The following HOXB3 variants were observed in gnomAD, a reference collection of about 807,000 sequenced individuals.
HOXB3 encodes the protein homeobox protein Hox-B3.
A neutral mutation model predicts 29.2 loss-of-function variants in HOXB3; 17 were observed. The observed-to-expected ratio is 0.58, with a 90% CI of 0.40 to 0.87. The LOEUF (loss-of-function observed/expected upper bound fraction) is 0.87, where lower values mean the gene tolerates loss of function less well. Among genes scored for constraint, HOXB3 ranks in the 40% least tolerant of loss-of-function variants. The pLI is 0.00. For synonymous variants in HOXB3, 317 were observed against 285.9 expected (o/e 1.11, Z -1.10); for missense variants, 637 against 616.3 (o/e 1.03, Z -0.35).
At chr17:48,570,361 G>T (rs973683744) in intron 2 of HOXB3, among the ~76,000 whole-genome samples, 7 of 152,126 alleles carry the variant, frequency 4.6e-5, no homozygotes, top group Non-Finnish European at 7.3e-5. Context: ...CAGAGTTCTC[G>T]GCCGGGGCAT....
chr17:48,578,041 A>T (rs2069826252), intron 1 of HOXB3: 5 of 1,013,056 alleles, frequency 4.9e-6, no homozygotes, highest in Non-Finnish European at 5.9e-6. Context: ...GCGGCGCAGG[A>T]GCCCGAGGGG....
rs569496789 is a variant in HOXB3, at chr17:48,554,424, T to G, written c.-159+1107A>C. 1.6e-5 allele frequency: 9 copies of G among 570,150 alleles called. No individual in the cohort carries two copies. In the East Asian group the frequency reaches 2.3e-4, roughly 15 times the overall value. 35.3% of individuals were successfully genotyped at this position (570,150 alleles called of 1,614,324 possible). A position where few individuals can be genotyped will look rare whatever the true frequency, so the allele number is the denominator to read the frequency against. On this transcript the variant is annotated intron_variant, in intron 3 of 4. Coordinates refer to ENST00000498678, the MANE Select transcript of HOXB3 (RefSeq NM_001384749.1). This position sits in a 1 kb window ranked among gnomAD's most constrained non-coding sequence, Gnocchi z 4.1. Reference sequence around the variant, plus strand: ...GAAATTCCTGCCGCTCCCCTTGCAATAAACCCCAAACCATCGCGGGACGGA... The same window carrying G: ...GAAATTCCTGCCGCTCCCCTTGCAAGAAACCCCAAACCATCGCGGGACGGA...
At chr17:48,568,697 AC>A (rs2069475237) in intron 2 of HOXB3, among the ~76,000 whole-genome samples, 1 of 152,068 alleles carries the variant, frequency 6.6e-6, no homozygotes, top group African/African-American at 2.4e-5. Context: ...AGAAGCTGAC[AC>A]CCATATTGCT....
rs1300264859 is a variant in HOXB3 at position 48,555,522 on chromosome 17, C to G, written c.-159+9G>C. On this transcript the variant is annotated intron_variant, in intron 3 of 4. Transcript: ENST00000498678. ...TCACAAACTGATAGCCTATTTCAGT[C>G]CAGCTTACCTTAGCCACCGACGAGG... is the stretch of plus-strand genomic sequence containing the variant. 1.4e-6 allele frequency: 1 copy of G among 702,600 alleles called. No individual in the cohort carries two copies. The highest frequency in any genetic ancestry group is 1.7e-5 in the African/African-American group (1 of 57,226). The allele number at this position is 702,600 out of a possible 1,614,324, so 43.5% of individuals were successfully genotyped here. A position where few individuals can be genotyped will look rare whatever the true frequency, so the allele number is the denominator to read the frequency against.
chr17:48,570,376 T>TG (rs762459562), intron 2 of HOXB3, among the ~76,000 whole-genome samples: 64 of 151,982 alleles, frequency 4.2e-4, no homozygotes, highest in Non-Finnish European at 6.8e-4. Flanking sequence ...GGGCATGGGA[T>TG]GGGGGGTGGG....
chr17:48,590,045 C>T (rs2070120227), intron 1 of HOXB3, 80 bp downstream of exon 1: 1 of 152,222 alleles, frequency 6.6e-6, no homozygotes, highest in Admixed American at 6.5e-5. Context: ...CCCACAGCCC[C>T]AGGTGGAAAC....
intron 1 of HOXB3, among the ~76,000 whole-genome samples, chr17:48,584,563 T>C (rs887807878): frequency 6.6e-6 from 1 of 152,244 alleles, no homozygotes; most frequent in Non-Finnish European, 1.5e-5. Flanking sequence ...TCTTTGGCCC[T>C]GCCAGAAGTC....
In HOXB3 at chr17:48,554,559, T is replaced by C. The variant is rs934396812; in HGVS notation, c.-159+972A>G. 6 of 695,912 alleles carry C rather than the reference T, an allele frequency of 8.6e-6. No homozygotes were observed. Among genetic ancestry groups the C allele is most frequent in the Non-Finnish European group, 1.6e-5 (6 of 381,832 alleles). The allele number at this position is 695,912 out of a possible 1,614,324, so 43.1% of individuals were successfully genotyped here. Reference sequence around the variant, plus strand: ...AAGGTTTGTGCACCCGGGTAGTCCCTGGCTGCTGCTGCCAGGCTGCCTCAG... The same window carrying C: ...AAGGTTTGTGCACCCGGGTAGTCCCCGGCTGCTGCTGCCAGGCTGCCTCAG... On this transcript the variant is annotated intron_variant, in intron 3 of 4. Transcript: ENST00000498678. This position sits in a 1 kb window ranked among gnomAD's most constrained non-coding sequence, Gnocchi z 4.1.
intron 2 of HOXB3, among the ~76,000 whole-genome samples, chr17:48,565,980 T>A (rs1256764042): frequency 6.6e-6 from 1 of 152,304 alleles, no homozygotes; most frequent in Non-Finnish European, 1.5e-5. Context: ...ATTCCTCTGG[T>A]CACTAAAGCG....
intron 1 of HOXB3, chr17:48,575,675 AT>A (rs11301183): frequency 0.14 from 20,943 of 152,480 alleles, 1,950 homozygotes; most frequent in African/African-American, 0.26. Context: ...ACACAAAAAA[AT>A]AGTAATAATA....
chr17:48,584,948 CCTCCGCCG>C (rs578107984), intron 1 of HOXB3, among the ~76,000 whole-genome samples: 1 of 142,146 alleles, frequency 7.0e-6, no homozygotes, highest in South Asian at 2.5e-4. Flanking sequence ...CCGCTAGTCG[CCTCCGCCG>C]CTCCCACTCA....
At chr17:48,583,650 C>T (rs1412219682) in intron 1 of HOXB3, among the ~76,000 whole-genome samples, 1 of 152,224 alleles carries the variant, frequency 6.6e-6, no homozygotes, top group Non-Finnish European at 1.5e-5. Flanking sequence ...TCTTCCCCAT[C>T]CTGGTCCTTC....
intron 1 of HOXB3, chr17:48,578,997 G>A (rs556580220): frequency 2.0e-5 from 3 of 152,406 alleles, no homozygotes; most frequent in African/African-American, 7.2e-5. Context: ...TGCGCAGAGG[G>A]ACTTGTCAGA....
At chr17:48,583,644 C>T (rs952249475) in intron 1 of HOXB3, among the ~76,000 whole-genome samples, 1 of 152,220 alleles carries the variant, frequency 6.6e-6, no homozygotes, top group African/African-American at 2.4e-5. Context: ...GCCACTTCTT[C>T]CCCATCCTGG....
Position 48,585,036 on chromosome 17 carries a change from G to A in HOXB3, c.-425+5089C>T, listed in dbSNP as rs570443572. Reference sequence around the variant, plus strand: ...GCAATAACACTGGCCTCACCACCCAGGGTCTCATTCTGCTACGCGCCGGCC... The same window carrying A: ...GCAATAACACTGGCCTCACCACCCAAGGTCTCATTCTGCTACGCGCCGGCC... On this transcript the variant is annotated intron_variant, in intron 1 of 4. Transcript: ENST00000498678. Among the ~76,000 whole-genome samples, 4 of 151,632 alleles carry A rather than the reference G, an allele frequency of 2.6e-5. No homozygotes were observed. In the East Asian group the frequency reaches 7.8e-4, roughly 29 times the overall value.
At position 48,554,617 on chromosome 17, in the gene HOXB3, G is replaced by C. The variant is rs1567948410; in HGVS notation, c.-159+914C>G. On this transcript the variant is annotated intron_variant, in intron 3 of 4. Coordinates refer to ENST00000498678, the MANE Select transcript of HOXB3 (RefSeq NM_001384749.1). This position sits in a 1 kb window ranked among gnomAD's most constrained non-coding sequence, Gnocchi z 4.1. ...CTGCTGCCGCGGCGACTGGCGACAA[G>C]CTACCAGCCACCTACGATGGCCCAA... 5.7e-6 allele frequency: 4 copies of C among 701,700 alleles called. No homozygotes were observed. The South Asian group carries it at 5.9e-5, about 10-fold the overall frequency. The allele number at this position is 701,700 out of a possible 1,614,324, so 43.5% of individuals were successfully genotyped here.
At chr17:48,578,667 T>TG (rs1422458765) in intron 1 of HOXB3, 1 of 298,392 alleles carries the variant, frequency 3.4e-6, no homozygotes, top group African/African-American at 2.3e-5. Flanking sequence ...AGGTTGCGAC[T>TG]GGAGGGCCTG....
At chr17:48,571,637 C>T (rs999521961) in intron 2 of HOXB3, among the ~76,000 whole-genome samples, 5 of 152,148 alleles carry the variant, frequency 3.3e-5, no homozygotes, top group Non-Finnish European at 7.3e-5. Flanking sequence ...AAGTCCTCGG[C>T]GACTAGGTCT....
chr17:48,551,637 G>C (rs545967809), intron 4 of HOXB3, among the ~76,000 whole-genome samples: 1 of 152,372 alleles, frequency 6.6e-6, no homozygotes, highest in South Asian at 2.1e-4. Flanking sequence ...GGCACGAAGA[G>C]GCTGCCGTTT....
Sources: allele counts gnomAD v4.1 joint callset (sites outside exome capture counted in the v4.1 genomes callset), GRCh38; gene constraint gnomAD v4.1.1; non-coding constraint Gnocchi (gnomAD v3.1); transcripts MANE v1.5; gene names NCBI Gene and HGNC (gene_info 2026-07-23, HGNC 2026-07-21).